Variants in DMBT1 observed in about 807,000 individuals in gnomAD.
The protein encoded by DMBT1 is deleted in malignant brain tumors 1.
A neutral mutation model predicts 252.9 loss-of-function variants in DMBT1; 198 were observed. The ratio of observed to expected loss-of-function variants is 0.78; its 90% CI spans 0.70 to 0.88. DMBT1 has a LOEUF of 0.88. DMBT1 is among the 40% of genes least tolerant of loss of function. DMBT1 has a pLI of 0.00. For missense variants in DMBT1, 2,432 were observed against 2,404.7 expected, an observed-to-expected ratio of 1.01 and a Z score of -0.24; for synonymous variants, 990 against 942.7, an observed-to-expected ratio of 1.05 and a Z score of -0.92.
At position 122,643,695 on chromosome 10, in the gene DMBT1, G is replaced by C; in HGVS notation, c.*297G>C. 1 of 400,824 alleles carries C rather than the reference G, an allele frequency of 2.5e-6. No individual in the cohort carries two copies. Among genetic ancestry groups the C allele is most frequent in the Non-Finnish European group, 4.6e-6 (1 of 219,026 alleles). The allele number at this position is 400,824 out of a possible 1,614,324, so 24.8% of individuals were successfully genotyped here. A position where few individuals can be genotyped will look rare whatever the true frequency, so the allele number is the denominator to read the frequency against. On this transcript the variant is annotated 3_prime_UTR_variant, in exon 56 of 56. Coordinates refer to ENST00000338354, the MANE Select transcript of DMBT1 (RefSeq NM_001377530.1). ...ATGTCAATACTTACTTCTTAGCACT[G>C]TTGAGAGGGTTACTTACATAAAGGA...
chr10:122,636,283 T>G, intron 53 of DMBT1, 84 bp downstream of exon 53: 1 of 1,300,856 alleles, frequency 7.7e-7, no homozygotes, highest in South Asian at 1.3e-5. Context: ...TGTTGTGAAA[T>G]AAGAAATGAA....
intron 28 of DMBT1, 51 bp downstream of exon 28, chr10:122,601,074 T>G (rs1376138661): frequency 2.8e-6 from 2 of 705,576 alleles, no homozygotes; most frequent in Admixed American, 2.7e-5. Flanking sequence ...TGGACATATT[T>G]TGTGTTTGAA....
At chr10:122,566,836 G>A (rs1180267534) in intron 2 of DMBT1, among the ~76,000 whole-genome samples, 1 of 152,154 alleles carries the variant, frequency 6.6e-6, no homozygotes, top group African/African-American at 2.4e-5. Flanking sequence ...TAAGTAATAC[G>A]ATTATACCCA....
rs774081275 is a variant in DMBT1 at position 122,591,507 on chromosome 10, A to G, written c.2166A>G (p.Pro722=). 5 of 1,586,490 alleles carry G rather than the reference A, an allele frequency of 3.2e-6. No individual in the cohort carries two copies. In the African/African-American group the frequency reaches 6.7e-5, roughly 21 times the overall value. The part of the protein sequence containing the change: ...PDTLSTITLP[P]STVGSESSLT... ...CGTTGTCGACCATCACGTTACCTCCATCGACAGTAGGTAAATAATCCTCTC... is the reference window on the plus strand; with the variant it reads ...CGTTGTCGACCATCACGTTACCTCCGTCGACAGTAGGTAAATAATCCTCTC... The change falls in exon 19 of 56, where the codon CCA becomes CCG. Residue 722 remains proline (P), a synonymous_variant. Transcript: ENST00000338354.
At chr10:122,573,923 G>A (rs571125124) in intron 6 of DMBT1, among the ~76,000 whole-genome samples, 161 bp downstream of exon 6, 10 of 152,300 alleles carry the variant, frequency 6.6e-5, no homozygotes, top group Non-Finnish European at 1.0e-4. Flanking sequence ...GGTATATCTT[G>A]CATCGATCAT....
In DMBT1 at chr10:122,621,053, G is replaced by A. The variant is rs1178941962; in HGVS notation, c.5285-4G>A. ...GGATGAAGGGTTCTTGTGTTCCCCT[G>A]TAGGATCTGAATCCAGTTTGGCTCT... On this transcript the variant is annotated splice_polypyrimidine_tract_variant and splice_region_variant and intron_variant, in intron 43 of 55. Transcript: ENST00000338354. 2 of 1,612,988 alleles carry A rather than the reference G, an allele frequency of 1.2e-6. No homozygotes were observed. The highest frequency in any genetic ancestry group is 8.5e-7 in the Non-Finnish European group (1 of 1,179,734).
intron 24 of DMBT1, among the ~76,000 whole-genome samples, chr10:122,597,396 A>G (rs1434109695): frequency 1.3e-5 from 2 of 152,182 alleles, no homozygotes; most frequent in African/African-American, 4.8e-5. Flanking sequence ...AGTGATTGCC[A>G]AAGTCTCCTG....
intron 45 of DMBT1, 82 bp downstream of exon 45, chr10:122,625,385 G>T: frequency 7.4e-7 from 1 of 1,345,056 alleles, no homozygotes; most frequent in Non-Finnish European, 1.1e-6. Flanking sequence ...GAGGAGTAGG[G>T]TAGACTCCCC....
chr10:122,639,359 GC>G (rs1844074762), intron 54 of DMBT1, among the ~76,000 whole-genome samples: 1 of 152,188 alleles, frequency 6.6e-6, no homozygotes, highest in Non-Finnish European at 1.5e-5. Flanking sequence ...GAGCAATAAA[GC>G]TTTTTAATTA....
intron 46 of DMBT1, among the ~76,000 whole-genome samples, chr10:122,626,888 G>T (rs1159294437): frequency 6.6e-6 from 1 of 152,190 alleles, no homozygotes; most frequent in African/African-American, 2.4e-5. Context: ...AGAGGAGCAG[G>T]TTCATTTGCT....
At chr10:122,580,588 A>G (rs11528751) in intron 10 of DMBT1, among the ~76,000 whole-genome samples, 29,514 of 151,850 alleles carry the variant, frequency 0.19, 4,466 homozygotes, top group African/African-American at 0.4. Flanking sequence ...ACTCAGGAAC[A>G]CCTAAGATGT....
Position 122,637,157 on chromosome 10 carries a change from G to C in DMBT1, c.6787G>C (p.Ala2263Pro), listed in dbSNP as rs2133692808. ...GCTCTGTCTGCCAAATCACATGCAA[G>C]CCAGTGTGAGCAGGAGCTATCTCCA... ...NLLCLPNHMQASVSRSYLQSL... is the reference protein window; with the variant it reads ...NLLCLPNHMQPSVSRSYLQSL... Residue 2263 changes from alanine to proline, a missense_variant, in exon 54 of 56, where the codon GCC (alanine) becomes CCC (proline). By Grantham distance (27) the Ala-to-Pro change is conservative. Coordinates refer to ENST00000338354, the MANE Select transcript of DMBT1 (RefSeq NM_001377530.1). 1 of 1,614,012 alleles carries C rather than the reference G, an allele frequency of 6.2e-7. No individual in the cohort carries two copies. Among genetic ancestry groups the C allele is most frequent in the Middle Eastern group, 1.7e-4 (1 of 6,060 alleles).
intron 20 of DMBT1, among the ~76,000 whole-genome samples, chr10:122,593,223 G>A (rs1451180323): frequency 1.3e-5 from 2 of 148,892 alleles, no homozygotes; most frequent in East Asian, 2.1e-4. Context: ...ATTGCCTGTG[G>A]TCGGGGCTTG....
chr10:122,634,431 TCTCTCTCTC>T (rs2098202867), intron 52 of DMBT1, among the ~76,000 whole-genome samples: 1 of 26,722 alleles, frequency 3.7e-5, no homozygotes, highest in Non-Finnish European at 9.8e-5. Context: ...CTCTCTCTCT[TCTCTCTCTC>T]TCTCTCTCTC....
At chr10:122,618,430 G>C in intron 41 of DMBT1, 90 bp downstream of exon 41, 1 of 1,592,462 alleles carries the variant, frequency 6.3e-7, no homozygotes, top group Non-Finnish European at 8.5e-7. Flanking sequence ...CTCACTCAAA[G>C]CTTTTTCTAT....
intron 55 of DMBT1, 36 bp from the exon 56 acceptor site, chr10:122,643,086 C>T: frequency 6.2e-7 from 1 of 1,600,944 alleles, no homozygotes; most frequent in Non-Finnish European, 8.5e-7. Context: ...AGAATCGGGC[C>T]TTGGTGAGAG....
chr10:122,576,630 C>T lies in DMBT1; in HGVS notation c.515C>T (p.Ser172Leu). Residue 172 changes from serine (S) to leucine (L), a missense_variant, in exon 7 of 56, where the codon TCA (serine) becomes TTA (leucine). Physicochemically the swap from Ser to Leu is moderately radical, Grantham distance 145. Around this residue, in one of 3 missense-constraint regions of DMBT1, gnomAD observed 1,264 missense variants for 1,082.2 expected, o/e 1.17. Transcript: ENST00000338354. ...GPIALDDVRCSGHESYLWSCP... is the reference protein window; with the variant it reads ...GPIALDDVRCLGHESYLWSCP... ...ATTGCCCTGGATGATGTGCGCTGCT[C>T]AGGACACGAATCCTACCTGTGGAGC... 6.2e-7 allele frequency: 1 copy of T among 1,613,822 alleles called. No individual in the cohort carries two copies. Among genetic ancestry groups the T allele is most frequent in the Non-Finnish European group, 8.5e-7 (1 of 1,179,752 alleles).
Position 122,599,112 on chromosome 10 carries a change from A to T in DMBT1, c.3280+15A>T, listed in dbSNP as rs774104924. ...CATCTGCTCAGGTGGGCCTTCAAGAACTTGGGATCACTCTCTTGGGGTGGA... is the reference window on the plus strand; with the variant it reads ...CATCTGCTCAGGTGGGCCTTCAAGATCTTGGGATCACTCTCTTGGGGTGGA... On this transcript the variant is annotated intron_variant, in intron 26 of 55. Transcript: ENST00000338354. 2 of 1,613,806 alleles carry T rather than the reference A, an allele frequency of 1.2e-6. No individual in the cohort carries two copies. The highest frequency in any genetic ancestry group is 1.3e-5 in the African/African-American group (1 of 75,030).
At chr10:122,620,211 C>A in intron 42 of DMBT1, 42 bp from the exon 43 acceptor site, 1 of 1,607,616 alleles carries the variant, frequency 6.2e-7, no homozygotes, top group Non-Finnish European at 8.5e-7. Context: ...GCTTTCCTCC[C>A]TCAAGTCTAA....
Sources: gnomAD v4.1 joint callset for allele counts (sites outside exome capture counted in the v4.1 genomes callset) on GRCh38, gnomAD v4.1.1 for gene constraint, gnomAD v4.1.1 regional missense constraint, MANE v1.5 for transcripts, NCBI Gene and HGNC (gene_info 2026-07-23, HGNC 2026-07-21) for gene names.